Variants in FMN1 observed in about 807,000 individuals in gnomAD.
FMN1 encodes the protein formin-1.
In FMN1, 110 loss-of-function variants were observed where a neutral mutation model predicts 132.4. That is an observed-to-expected ratio of 0.83 (90% CI 0.71 to 0.97). FMN1 has a LOEUF of 0.97. Among genes scored for constraint, FMN1 ranks in the 50% least tolerant of loss-of-function variants. The pLI, the probability that FMN1 is intolerant of heterozygous loss-of-function variation, is 0.00. For synonymous variants in FMN1, 722 were observed against 651.7 expected (o/e 1.11, Z -1.64); for missense variants, 1,792 against 1,705.3 (o/e 1.05, Z -0.90).
intron 9 of FMN1, among the ~76,000 whole-genome samples, chr15:32,935,568 A>G (rs2061244867): frequency 6.6e-6 from 1 of 151,394 alleles, no homozygotes; most frequent in South Asian, 2.1e-4. Flanking sequence ...TCCTTCTGTA[A>G]CTGTCACAAT....
At chr15:32,910,273 A>G (rs1361065551) in intron 11 of FMN1, among the ~76,000 whole-genome samples, 1 of 152,180 alleles carries the variant, frequency 6.6e-6, no homozygotes, top group Non-Finnish European at 1.5e-5. Flanking sequence ...GTGCAATGAG[A>G]TCTGCTAGCC....
chr15:33,084,425 A>T (rs2038609696), intron 5 of FMN1, among the ~76,000 whole-genome samples: 2 of 152,228 alleles, frequency 1.3e-5, no homozygotes, highest in African/African-American at 4.8e-5. Context: ...GGAACCCACT[A>T]CTTGTGACTG....
intron 17 of FMN1, among the ~76,000 whole-genome samples, chr15:32,844,047 G>A (rs1347859001): frequency 1.3e-5 from 2 of 152,130 alleles, no homozygotes; most frequent in African/African-American, 4.8e-5. Flanking sequence ...CAATTCAGAA[G>A]ATTAATAAAA....
intron 4 of FMN1, among the ~76,000 whole-genome samples, chr15:33,145,421 C>T (rs1227939728): frequency 6.6e-6 from 1 of 151,816 alleles, no homozygotes; most frequent in East Asian, 1.9e-4. Flanking sequence ...TCTGTACATC[C>T]TGTTATGCAG....
Position 32,773,005 on chromosome 15 carries a change from G to A in FMN1, c.*1305C>T, listed in dbSNP as rs931942148. ...GGGGAGAAAGCTCGGCCTCTTCAAGGCCTAAAAATGAGTCTTTGATCATAT... is the reference window on the plus strand; with the variant it reads ...GGGGAGAAAGCTCGGCCTCTTCAAGACCTAAAAATGAGTCTTTGATCATAT... On this transcript the variant is annotated 3_prime_UTR_variant, in exon 21 of 21. Coordinates refer to ENST00000616417, the MANE Select transcript of FMN1 (RefSeq NM_001277313.2). The A allele has an allele frequency of 5.9e-5, 9 of 152,292 alleles. No homozygotes were observed. Among genetic ancestry groups the A allele is most frequent in the African/African-American group, 2.2e-4 (9 of 41,556 alleles). 9.4% of individuals were successfully genotyped at this position (152,292 alleles called of 1,614,324 possible).
chr15:32,811,584 C>T (rs1198531457), intron 17 of FMN1, among the ~76,000 whole-genome samples: 1 of 151,510 alleles, frequency 6.6e-6, no homozygotes, highest in African/African-American at 2.4e-5. Flanking sequence ...GTCATCTAGT[C>T]TACCTCCCAG....
chr15:33,030,825 G>GT (rs753815951), intron 6 of FMN1, among the ~76,000 whole-genome samples: 9 of 152,178 alleles, frequency 5.9e-5, no homozygotes, highest in South Asian at 2.1e-4. Flanking sequence ...TTATGTGGGA[G>GT]TTTTTTTATT....
intron 10 of FMN1, among the ~76,000 whole-genome samples, chr15:32,921,685 T>TTC (rs1293234732): frequency 2.6e-5 from 4 of 151,398 alleles, no homozygotes; most frequent in Non-Finnish European, 5.9e-5. Flanking sequence ...TTTTCTTTTT[T>TTC]TTTTTTTCGA....
At chr15:33,133,719 C>T (rs371075435) in intron 4 of FMN1, among the ~76,000 whole-genome samples, 83 of 152,240 alleles carry the variant, frequency 5.5e-4, no homozygotes, top group African/African-American at 1.8e-3. Context: ...GGAACATTAA[C>T]GTTTCTACCC....
Position 32,798,958 on chromosome 15 carries a change from A to T in FMN1, c.3981-5T>A. The T allele has an allele frequency of 6.2e-7, 1 of 1,612,688 alleles. No individual in the cohort carries two copies. The highest frequency in any genetic ancestry group is 8.5e-7 in the Non-Finnish European group (1 of 1,179,444). ...TATCGTACTGTTGTTTCAAAACTGC[A>T]ACAGGTAGGGGGGAAAATGGAATGA... On this transcript the variant is annotated splice_region_variant and splice_polypyrimidine_tract_variant and intron_variant, in intron 18 of 20. Coordinates refer to ENST00000616417, the MANE Select transcript of FMN1 (RefSeq NM_001277313.2).
intron 5 of FMN1, chr15:33,066,806 C>T: frequency 6.2e-7 from 1 of 1,613,944 alleles, no homozygotes; most frequent in Non-Finnish European, 8.5e-7. Flanking sequence ...AGGGTCTGCT[C>T]CCTTCGGTTC....
chr15:32,835,175 C>T (rs747037264), intron 17 of FMN1, among the ~76,000 whole-genome samples: 76 of 152,118 alleles, frequency 5.0e-4, no homozygotes, highest in Admixed American at 2.1e-3. Flanking sequence ...AGGGATGTCA[C>T]CCAGCCTAGC....
At chr15:32,815,083 C>T (rs2058013640) in intron 17 of FMN1, among the ~76,000 whole-genome samples, 1 of 152,080 alleles carries the variant, frequency 6.6e-6, no homozygotes, top group African/African-American at 2.4e-5. Flanking sequence ...GCTGGGACTA[C>T]AGGTGCCCGC....
chr15:33,180,835 C>G (rs1237658593), intron 2 of FMN1, among the ~76,000 whole-genome samples: 1 of 150,948 alleles, frequency 6.6e-6, no homozygotes, highest in South Asian at 2.1e-4. Context: ...CTGCAACCTC[C>G]CCCTCCAGGG....
chr15:32,885,421 TATGTATTGAACAC>T (rs1461318412), intron 16 of FMN1, among the ~76,000 whole-genome samples: 2 of 152,240 alleles, frequency 1.3e-5, no homozygotes, highest in African/African-American at 4.8e-5. Context: ...ACAGGCGTGA[TATGTATTGAACAC>T]ATGCCTTAGA....
chr15:33,157,222 G>A lies in FMN1; in HGVS notation c.-131-2177C>T, dbSNP rs9806456. 8.7e-3 allele frequency among the ~76,000 whole-genome samples: 1,268 copies of A among 145,290 alleles called. 6 individuals carry two copies. Among genetic ancestry groups the A allele is most frequent in the African/African-American group, 0.015 (599 of 39,076 alleles). ...CAAGGTTGCAGTGAGCTGACATCGC[G>A]CCACTGCACTCCAGCCTGGTGACAG... On this transcript the variant is annotated intron_variant, in intron 3 of 20. Transcript: ENST00000616417.
chr15:33,076,496 A>C (rs1466007910), intron 5 of FMN1, among the ~76,000 whole-genome samples: 1 of 152,196 alleles, frequency 6.6e-6, no homozygotes, highest in East Asian at 1.9e-4. Flanking sequence ...TAAAGGGGAC[A>C]AAAGAAAATC....
At chr15:32,861,881 C>T (rs183924985) in intron 16 of FMN1, among the ~76,000 whole-genome samples, 89 of 152,278 alleles carry the variant, frequency 5.8e-4, no homozygotes, top group African/African-American at 1.7e-3. Flanking sequence ...CTCTGAGCTT[C>T]GCGGTTTTGA....
chr15:32,930,444 C>T (rs552604028), intron 9 of FMN1, among the ~76,000 whole-genome samples: 12 of 151,146 alleles, frequency 7.9e-5, no homozygotes, highest in Non-Finnish European at 1.3e-4. Flanking sequence ...CATTCTGACA[C>T]GTGTGAGGGG....
Sources: allele counts gnomAD v4.1 joint callset (sites outside exome capture counted in the v4.1 genomes callset), GRCh38; gene constraint gnomAD v4.1.1; transcripts MANE v1.5; gene names NCBI Gene and HGNC (gene_info 2026-07-23, HGNC 2026-07-21).